Variants in PGM1 observed in about 807,000 individuals in gnomAD.
PGM1 encodes phosphoglucomutase-1.
A neutral mutation model predicts 55.6 loss-of-function variants in PGM1; 52 were observed. That is an observed-to-expected ratio of 0.94 (90% CI 0.75 to 1.18). The LOEUF (loss-of-function observed/expected upper bound fraction) is 1.18. PGM1 is among the 50% of genes most tolerant of loss of function. The pLI is 0.00. For missense variants in PGM1, 724 were observed against 729.3 expected, an observed-to-expected ratio of 0.99 and a Z score of 0.08; for synonymous variants, 287 against 271.7, an observed-to-expected ratio of 1.06 and a Z score of -0.55.
At chr1:63,608,184 T>C (rs1447882232) in intron 1 of PGM1, among the ~76,000 whole-genome samples, 1 of 152,254 alleles carries the variant, frequency 6.6e-6, no homozygotes. Context: ...TATTTTATAC[T>C]GTTCAAGCAC....
At chr1:63,648,387 A>G (rs1001733480) in intron 7 of PGM1, 130 bp from the exon 8 acceptor site, 3 of 950,150 alleles carry the variant, frequency 3.2e-6, no homozygotes, top group African/African-American at 3.3e-5. Context: ...CCATGATCCA[A>G]TCACTTCCCA....
chr1:63,622,123 C>T (rs571868601), intron 1 of PGM1, among the ~76,000 whole-genome samples: 1 of 152,294 alleles, frequency 6.6e-6, no homozygotes, highest in Admixed American at 6.5e-5. Context: ...CTCCCAGGTT[C>T]AAGCAATTCT....
At chr1:63,596,520 G>A (rs1352709964) in intron 1 of PGM1, among the ~76,000 whole-genome samples, 1 of 151,996 alleles carries the variant, frequency 6.6e-6, no homozygotes, top group African/African-American at 2.4e-5. Flanking sequence ...GCCTCCCAAG[G>A]TGCTGGGATT....
intron 1 of PGM1, among the ~76,000 whole-genome samples, chr1:63,607,677 T>C (rs114064221): frequency 0.022 from 3,276 of 152,278 alleles, 126 homozygotes; most frequent in African/African-American, 0.074. Flanking sequence ...TCTTTTTTTA[T>C]AAACATATTT....
At chr1:63,597,362 A>G (rs962201115) in intron 1 of PGM1, among the ~76,000 whole-genome samples, 2 of 152,230 alleles carry the variant, frequency 1.3e-5, no homozygotes, top group South Asian at 2.1e-4. Context: ...GTTGGGAATA[A>G]TACATACCTG....
intron 1 of PGM1, among the ~76,000 whole-genome samples, chr1:63,603,611 T>C (rs528320439): frequency 1.3e-5 from 2 of 152,300 alleles, no homozygotes; most frequent in East Asian, 3.9e-4. Flanking sequence ...CCATTAACTA[T>C]CATCTAGTTA....
intron 1 of PGM1, among the ~76,000 whole-genome samples, chr1:63,612,357 T>G (rs1648591227): frequency 6.6e-6 from 1 of 152,214 alleles, no homozygotes; most frequent in Non-Finnish European, 1.5e-5. Flanking sequence ...CTGTCTTCAC[T>G]GGGACAGGCC....
intron 7 of PGM1, among the ~76,000 whole-genome samples, chr1:63,639,369 A>G (rs1157712898): frequency 6.6e-6 from 1 of 152,070 alleles, no homozygotes; most frequent in Non-Finnish European, 1.5e-5. Flanking sequence ...TTAATATTAG[A>G]GTGAAAGAAG....
At chr1:63,604,915 CTCTGTGTGTGTGTGTG>C (rs1648369174) in intron 1 of PGM1, among the ~76,000 whole-genome samples, 1 of 59,024 alleles carries the variant, frequency 1.7e-5, no homozygotes, top group African/African-American at 5.9e-5. Flanking sequence ...AGTTACATAA[CTCTGTGTGTGTGTGTG>C]TGTGTGTGTG....
At chr1:63,654,967 CTTT>C (rs58711467) in intron 10 of PGM1, among the ~76,000 whole-genome samples, 90 of 131,594 alleles carry the variant, frequency 6.8e-4, no homozygotes, top group African/African-American at 2.3e-3. Context: ...ATGAATCTCT[CTTT>C]TTTTTTTTTT....
Position 63,634,026 on chromosome 1 carries a change from T to C in PGM1, c.683-803T>C, listed in dbSNP as rs531361568. ...CAAACTCCTGACCTCATGTGATCTG[T>C]CTGCCTCAGCCTCCCAAAGTACTGA... is the stretch of plus-strand genomic sequence containing the variant. On this transcript the variant is annotated intron_variant, in intron 4 of 10. Transcript: ENST00000371084. 8.8e-5 allele frequency among the ~76,000 whole-genome samples: 13 copies of C among 147,538 alleles called. No homozygotes were observed. The East Asian group carries it at 2.6e-3, about 30-fold the overall frequency.
intron 1 of PGM1, among the ~76,000 whole-genome samples, chr1:63,594,937 G>C (rs541915257): frequency 7.8e-6 from 1 of 128,242 alleles, no homozygotes; most frequent in East Asian, 2.3e-4. Context: ...CTCTAGCCTC[G>C]GCGACAGAGC....
chr1:63,657,862 G>T (rs1307995789), intron 10 of PGM1, among the ~76,000 whole-genome samples: 1 of 152,246 alleles, frequency 6.6e-6, no homozygotes, highest in Non-Finnish European at 1.5e-5. Flanking sequence ...AGGCAATGGG[G>T]TCTGCATTAT....
intron 1 of PGM1, chr1:63,623,399 A>G: frequency 6.4e-7 from 1 of 1,566,728 alleles, no homozygotes; most frequent in Admixed American, 1.9e-5. Flanking sequence ...GGACAGACCT[A>G]TTTTGGAGTC....
At chr1:63,610,990 C>T (rs1648549462) in intron 1 of PGM1, among the ~76,000 whole-genome samples, 1 of 152,104 alleles carries the variant, frequency 6.6e-6, no homozygotes, top group Non-Finnish European at 1.5e-5. Context: ...TGATTAGGTC[C>T]ACTTGCTCCA....
Position 63,659,715 on chromosome 1 carries a change from C to T in PGM1, c.*40C>T. The T allele has an allele frequency of 7.1e-7, 1 of 1,413,126 alleles. No individual in the cohort carries two copies. Among genetic ancestry groups the T allele is most frequent in the Non-Finnish European group, 1.0e-6 (1 of 996,478 alleles). 87.5% of individuals were successfully genotyped at this position (1,413,126 alleles called of 1,614,324 possible). A position where few individuals can be genotyped will look rare whatever the true frequency, so the allele number is the denominator to read the frequency against. On this transcript the variant is annotated 3_prime_UTR_variant, in exon 11 of 11. Coordinates refer to ENST00000371084, the MANE Select transcript of PGM1 (RefSeq NM_002633.3). The stretch of plus-strand genomic sequence containing the variant: ...TGTGGTACGTCCCTCCACCCCCGGA[C>T]CCATCCAAGTCATCTGATTGAAGAG...
chr1:63,651,351 TG>T (rs911231197), intron 8 of PGM1: 6 of 323,880 alleles, frequency 1.9e-5, no homozygotes, highest in African/African-American at 1.3e-4. Context: ...CCTCAGGATG[TG>T]GTGACTAAAT....
chr1:63,648,275 GGA>G lies in PGM1; in HGVS notation c.1145-232_1145-231del, dbSNP rs200832012. Among the ~76,000 whole-genome samples, 21 of 152,302 alleles carry G rather than the reference GGA, an allele frequency of 1.4e-4. 1 individual carries two copies. In the East Asian group the frequency reaches 4.1e-3, roughly 29 times the overall value. On this transcript the variant is annotated intron_variant, in intron 7 of 10. Coordinates refer to ENST00000371084, the MANE Select transcript of PGM1 (RefSeq NM_002633.3). The stretch of plus-strand genomic sequence containing the variant: ...CCGGCACCTTCTTCACATGGCTGCA[GGA>G]GAGAGAGAGTGAAGGGGGAAGTGCT...
chr1:63,626,943 C>A (rs1290052104), intron 1 of PGM1, among the ~76,000 whole-genome samples: 2 of 151,826 alleles, frequency 1.3e-5, no homozygotes, highest in Non-Finnish European at 2.9e-5. Context: ...CTTTAAATAC[C>A]TCATGTAAGT....
Sources: gnomAD v4.1 joint callset for allele counts (sites outside exome capture counted in the v4.1 genomes callset) on GRCh38, gnomAD v4.1.1 for gene constraint, MANE v1.5 for transcripts, NCBI Gene and HGNC (gene_info 2026-07-23, HGNC 2026-07-21) for gene names.